The following HMGXB4 variants were observed in gnomAD, a reference collection of about 807,000 sequenced individuals.
The protein encoded by HMGXB4 is HMG-box containing 4, also known as HMG domain-containing protein 4.
A neutral mutation model predicts 63.9 loss-of-function variants in HMGXB4; 27 were observed. That is an observed-to-expected ratio of 0.42 (90% confidence interval 0.31 to 0.58). The LOEUF is 0.58. HMGXB4 is among the 20% of genes least tolerant of loss of function. The pLI is 0.13. For missense variants in HMGXB4, 624 were observed against 700.7 expected (o/e 0.89, Z 1.24); for synonymous variants, 264 against 265.3 (o/e 0.99, Z 0.05).
In HMGXB4 at chr22:35,262,064, TA is replaced by T. The variant is rs539159200; in HGVS notation, c.-68-258del. ...TAGAAATTCTCATTAATTTTGAAAATATTTTTTGTATTGGAGGTATTTTATA... is the reference window on the plus strand; with the variant it reads ...TAGAAATTCTCATTAATTTTGAAAATTTTTTTGTATTGGAGGTATTTTATA... On this transcript the variant is annotated intron_variant, in intron 1 of 10. Transcript: ENST00000216106. 3.4e-4 allele frequency: 94 copies of T among 275,052 alleles called. No homozygotes were observed. In the South Asian group the frequency reaches 5.3e-3, roughly 15 times the overall value. 17.0% of individuals were successfully genotyped at this position (275,052 alleles called of 1,614,324 possible). A position where few individuals can be genotyped will look rare whatever the true frequency, so the allele number is the denominator to read the frequency against.
At chr22:35,264,070 G>A in intron 4 of HMGXB4, 196 bp downstream of exon 4, 1 of 1,542,348 alleles carries the variant, frequency 6.5e-7, no homozygotes, top group Non-Finnish European at 8.7e-7. Flanking sequence ...CAGCATAGAA[G>A]AACAGTCTGC....
At position 35,295,113 on chromosome 22, in the gene HMGXB4, C is replaced by T. The variant is rs16995562; in HGVS notation, c.*1462C>T. On this transcript the variant is annotated 3_prime_UTR_variant, in exon 11 of 11. Coordinates refer to ENST00000216106, the MANE Select transcript of HMGXB4 (RefSeq NM_001003681.3). ...TATGAGATTCTCTGCCAACACCAAGCTCTGAGTTAACTGTGCTTTCTTCTC... is the reference window on the plus strand; with the variant it reads ...TATGAGATTCTCTGCCAACACCAAGTTCTGAGTTAACTGTGCTTTCTTCTC... 0.027 allele frequency: 2,831 copies of T among 106,076 alleles called. 86 individuals are homozygous for T. Among genetic ancestry groups the T allele is most frequent in the African/African-American group, 0.067 (2,645 of 39,318 alleles). The allele number at this position is 106,076 out of a possible 1,614,324, so 6.6% of individuals were successfully genotyped here. A position where few individuals can be genotyped will look rare whatever the true frequency, so the allele number is the denominator to read the frequency against.
chr22:35,286,210 A>T (rs1924567770), intron 7 of HMGXB4, 149 bp downstream of exon 7: 2 of 619,822 alleles, frequency 3.2e-6, no homozygotes, highest in Non-Finnish European at 2.8e-6. Context: ...GGACATTAAC[A>T]CTGTTAGTGC....
chr22:35,284,743 A>G (rs545084923), intron 6 of HMGXB4, among the ~76,000 whole-genome samples: 2 of 152,258 alleles, frequency 1.3e-5, no homozygotes, highest in Non-Finnish European at 2.9e-5. Context: ...TCAAACCATC[A>G]TAAGTCAGGG....
chr22:35,255,079 C>A (rs1416943576), upstream of HMGXB4, among the ~76,000 whole-genome samples: 1 of 152,160 alleles, frequency 6.6e-6, no homozygotes, highest in East Asian at 1.9e-4. Flanking sequence ...CTAATTTAAC[C>A]AATCAGCAGC....
rs759704863 is a variant in HMGXB4, at chr22:35,265,437, C to T, written c.1049C>T (p.Ala350Val). 1.9e-6 allele frequency: 3 copies of T among 1,614,138 alleles called. No individual in the cohort carries two copies. The highest frequency in any genetic ancestry group is 3.3e-5 in the Admixed American group (2 of 60,014). Residue 350 changes from alanine to valine, a missense_variant, in exon 5 of 11, where the codon GCC (alanine) becomes GTC (valine). This residue lies in a region of HMGXB4 where 472 missense variants were observed against 470.6 expected (regional missense o/e 1.00). Transcript: ENST00000216106. The stretch of plus-strand genomic sequence containing the variant: ...TCCAAGAGAAGTTTAGGACTTTCTG[C>T]CGTGCCAGTGGGAGAGGTCACAGTG... ...SKSKRSLGLS[A>V]VPVGEVTVTS... is the part of the protein sequence containing the mutation.
chr22:35,273,898 C>T (rs2146418421), intron 5 of HMGXB4, among the ~76,000 whole-genome samples: 1 of 152,294 alleles, frequency 6.6e-6, no homozygotes, highest in East Asian at 1.9e-4. Flanking sequence ...GGAATTAGCA[C>T]CCAGCCTACT....
At chr22:35,241,574 G>T in the HMGXB4 span, among the ~76,000 whole-genome samples, 1 of 152,170 alleles carries the variant, frequency 6.6e-6, no homozygotes, top group Admixed American at 6.5e-5. Context: ...GCTGCTTCGG[G>T]ATCCACTGAG....
the HMGXB4 span, among the ~76,000 whole-genome samples, chr22:35,251,131 G>C: frequency 6.6e-6 from 1 of 151,324 alleles, no homozygotes; most frequent in Admixed American, 6.6e-5. Context: ...CTAGAGTGCA[G>C]TGGCGCGATC....
intron 5 of HMGXB4, among the ~76,000 whole-genome samples, chr22:35,273,795 C>T (rs1465193475): frequency 6.6e-6 from 1 of 152,164 alleles, no homozygotes; most frequent in Admixed American, 6.5e-5. Flanking sequence ...ATAAAACCTA[C>T]AGCTCATTGG....
upstream of HMGXB4, among the ~76,000 whole-genome samples, chr22:35,255,820 A>G (rs1013248095): frequency 6.6e-6 from 1 of 152,252 alleles, no homozygotes; most frequent in Non-Finnish European, 1.5e-5. Flanking sequence ...AAAAGGAAAT[A>G]CATCATTAGG....
chr22:35,269,951 C>G (rs1486427093), intron 5 of HMGXB4, among the ~76,000 whole-genome samples: 1 of 151,898 alleles, frequency 6.6e-6, no homozygotes, highest in Non-Finnish European at 1.5e-5. Context: ...GCACTCTAAC[C>G]TGGTTGACAG....
chr22:35,280,182 C>G (rs73170187), intron 5 of HMGXB4, among the ~76,000 whole-genome samples: 2 of 152,096 alleles, frequency 1.3e-5, no homozygotes, highest in Non-Finnish European at 2.9e-5. Flanking sequence ...TCTTGCCCAC[C>G]CTTACGGGAA....
intron 5 of HMGXB4, among the ~76,000 whole-genome samples, chr22:35,267,833 A>T (rs1923356737): frequency 6.6e-6 from 1 of 152,228 alleles, no homozygotes. Context: ...CCTTTCATCC[A>T]CCAGTCCATG....
chr22:35,280,143 C>T (rs1180009736), intron 5 of HMGXB4, among the ~76,000 whole-genome samples: 2 of 105,254 alleles, frequency 1.9e-5, no homozygotes, highest in African/African-American at 5.1e-5. Context: ...CTGCAAAATC[C>T]CCTTGCCATA....
upstream of HMGXB4, among the ~76,000 whole-genome samples, chr22:35,254,175 G>C (rs1922300163): frequency 6.6e-6 from 1 of 152,184 alleles, no homozygotes; most frequent in South Asian, 2.1e-4. Context: ...GTTTTCCTTA[G>C]ATCAGGTGGA....
chr22:35,264,574 C>T, intron 4 of HMGXB4, 74 bp from the exon 5 acceptor site: 1 of 1,034,348 alleles, frequency 9.7e-7, no homozygotes, highest in Non-Finnish European at 1.4e-6. Flanking sequence ...TAGCTAGGTG[C>T]TTTTGATGAG....
chr22:35,287,816 C>T (rs767565386), intron 8 of HMGXB4, among the ~76,000 whole-genome samples: 21 of 152,030 alleles, frequency 1.4e-4, no homozygotes, highest in Non-Finnish European at 2.5e-4. Flanking sequence ...GGCGTGGTGG[C>T]GCATACCTGT....
upstream of HMGXB4, among the ~76,000 whole-genome samples, chr22:35,253,017 A>G (rs2146381135): frequency 6.6e-6 from 1 of 151,816 alleles, no homozygotes; most frequent in East Asian, 1.9e-4. Context: ...CTGTAATCCC[A>G]GCTACTTGGG....
Sources: gnomAD v4.1 joint callset for allele counts (sites outside exome capture counted in the v4.1 genomes callset) on GRCh38, gnomAD v4.1.1 for gene constraint, gnomAD v4.1.1 regional missense constraint, MANE v1.5 for transcripts, NCBI Gene and HGNC (gene_info 2026-07-23, HGNC 2026-07-21) for gene names.